Variants in SYN3 observed in about 807,000 individuals in gnomAD.
The protein encoded by SYN3 is synapsin III.
A neutral mutation model predicts 65.8 loss-of-function variants in SYN3; 35 were observed. The ratio of observed to expected loss-of-function variants is 0.53; its 90% CI spans 0.41 to 0.70. SYN3 has a LOEUF of 0.70. Among genes scored for constraint, SYN3 ranks in the 30% least tolerant of loss-of-function variants. The pLI, the probability that SYN3 is intolerant of heterozygous loss-of-function variation, is 0.00. For synonymous variants in SYN3, 270 were observed against 292.9 expected (o/e 0.92, Z 0.80); for missense variants, 680 against 749.0 (o/e 0.91, Z 1.08).
chr22:32,579,650 CCCT>C (rs566555312), intron 7 of SYN3, among the ~76,000 whole-genome samples: 3 of 152,254 alleles, frequency 2.0e-5, no homozygotes, highest in Admixed American at 2.0e-4. Flanking sequence ...AAGCCTTTGC[CCCT>C]CCTCCAACCC....
intron 7 of SYN3, among the ~76,000 whole-genome samples, chr22:32,554,745 G>A (rs143780571): frequency 0.019 from 2,934 of 152,200 alleles, 92 homozygotes; most frequent in African/African-American, 0.066. Context: ...TCCCTTGTCC[G>A]GTGTGCTCTC....
At chr22:32,590,118 C>T (rs899629807) in intron 7 of SYN3, among the ~76,000 whole-genome samples, 1 of 152,158 alleles carries the variant, frequency 6.6e-6, no homozygotes, top group Non-Finnish European at 1.5e-5. Context: ...AGAACTTTGC[C>T]CACTTCTGCC....
At chr22:32,558,207 A>G (rs1211465102) in intron 7 of SYN3, among the ~76,000 whole-genome samples, 1 of 152,358 alleles carries the variant, frequency 6.6e-6, no homozygotes, top group African/African-American at 2.4e-5. Context: ...ATGAGGAGTT[A>G]GGAGGAAAAT....
At chr22:32,593,856 A>T (rs1197259293) in intron 7 of SYN3, among the ~76,000 whole-genome samples, 1 of 152,082 alleles carries the variant, frequency 6.6e-6, no homozygotes, top group Non-Finnish European at 1.5e-5. Flanking sequence ...ACGGTTAGGG[A>T]TGATGCAGGA....
rs1337960230 is a variant in SYN3 at position 32,869,276 on chromosome 22, G to A, written c.462-151C>T. On this transcript the variant is annotated intron_variant, in intron 4 of 13. Coordinates refer to ENST00000358763, the MANE Select transcript of SYN3 (RefSeq NM_003490.4). ...AGGTGGGGGATGAGGGCAGTTAAAT[G>A]CAAAGGCACAGCTACTCCACTATAA... is the stretch of plus-strand genomic sequence containing the variant. 8.4e-6 allele frequency: 5 copies of A among 593,312 alleles called. 1 individual carries two copies. Among genetic ancestry groups the A allele is most frequent in the South Asian group, 4.0e-5 (2 of 50,226 alleles). The allele number at this position is 593,312 out of a possible 1,614,324, so 36.8% of individuals were successfully genotyped here.
chr22:32,810,100 T>TCTAG (rs2046876503), intron 6 of SYN3, among the ~76,000 whole-genome samples: 2 of 152,358 alleles, frequency 1.3e-5, no homozygotes, highest in South Asian at 4.1e-4. Context: ...AAGTATTGAT[T>TCTAG]CTAGCTAAAG....
chr22:32,572,256 TTC>T (rs2058770526), intron 7 of SYN3, among the ~76,000 whole-genome samples: 1 of 50,196 alleles, frequency 2.0e-5, no homozygotes, highest in African/African-American at 1.2e-4. Context: ...CTTCCTTCCT[TTC>T]CTTCCTTCCT....
chr22:33,056,243 AG>A, intron 1 of SYN3, among the ~76,000 whole-genome samples: 1 of 152,350 alleles, frequency 6.6e-6, no homozygotes, highest in Non-Finnish European at 1.5e-5. Flanking sequence ...ACTCATTTTC[AG>A]GTGCAGTCAT....
At chr22:32,816,343 T>G (rs536605752) in intron 6 of SYN3, among the ~76,000 whole-genome samples, 2 of 152,212 alleles carry the variant, frequency 1.3e-5, no homozygotes, top group South Asian at 4.1e-4. Flanking sequence ...TCGATAAACA[T>G]GGGTGAAATA....
At chr22:32,688,787 C>T (rs2060625957) in intron 6 of SYN3, among the ~76,000 whole-genome samples, 1 of 152,120 alleles carries the variant, frequency 6.6e-6, no homozygotes, top group Non-Finnish European at 1.5e-5. Flanking sequence ...CTTTTGCCTC[C>T]CATGCTGGGC....
chr22:32,858,064 G>C (rs1017335148), intron 6 of SYN3: 2 of 1,614,094 alleles, frequency 1.2e-6, no homozygotes, highest in African/African-American at 2.7e-5. Context: ...CAACTTCGTG[G>C]AGAGGTGGGA....
chr22:32,845,384 G>A (rs975011510), intron 6 of SYN3, among the ~76,000 whole-genome samples: 2 of 151,932 alleles, frequency 1.3e-5, no homozygotes, highest in African/African-American at 4.8e-5. Flanking sequence ...TAGAGATGGG[G>A]TTTCACCATG....
At chr22:32,807,978 T>C (rs1284169033) in intron 6 of SYN3, among the ~76,000 whole-genome samples, 2 of 152,134 alleles carry the variant, frequency 1.3e-5, no homozygotes, top group East Asian at 3.8e-4. Flanking sequence ...TGAGTGTTTT[T>C]TTTCCTTCTT....
chr22:32,648,646 C>T (rs1436173137), intron 6 of SYN3, among the ~76,000 whole-genome samples: 1 of 152,188 alleles, frequency 6.6e-6, no homozygotes, highest in Admixed American at 6.5e-5. Flanking sequence ...AGCTACATGA[C>T]CATGGGCAGG....
intron 4 of SYN3, among the ~76,000 whole-genome samples, chr22:32,903,891 C>T (rs62234177): frequency 0.055 from 8,425 of 152,316 alleles, 260 homozygotes; most frequent in Middle Eastern, 0.099. Flanking sequence ...CCATCAACTG[C>T]ACAATGGTTT....
intron 6 of SYN3, among the ~76,000 whole-genome samples, chr22:32,783,435 T>C (rs768240793): frequency 6.6e-6 from 1 of 152,202 alleles, no homozygotes; most frequent in Non-Finnish European, 1.5e-5. Flanking sequence ...TTACTGAAAA[T>C]CTGAATTTTT....
At chr22:32,677,594 C>T (rs567792499) in intron 6 of SYN3, among the ~76,000 whole-genome samples, 2 of 152,052 alleles carry the variant, frequency 1.3e-5, no homozygotes, top group African/African-American at 4.8e-5. Context: ...GTCAGGAGAT[C>T]GAGATCATTC....
At chr22:32,954,660 A>G (rs1358308340) in intron 3 of SYN3, among the ~76,000 whole-genome samples, 2 of 152,138 alleles carry the variant, frequency 1.3e-5, no homozygotes, top group African/African-American at 2.4e-5. Flanking sequence ...GGGGGCTAAC[A>G]CTCAGTAGTA....
chr22:32,692,162 A>G (rs1247715981), intron 6 of SYN3, among the ~76,000 whole-genome samples: 2 of 135,616 alleles, frequency 1.5e-5, no homozygotes, highest in African/African-American at 2.9e-5. Flanking sequence ...AGACAAAAAA[A>G]AAAAAAAAAA....
Sources: gnomAD v4.1 joint callset for allele counts (sites outside exome capture counted in the v4.1 genomes callset) on GRCh38, gnomAD v4.1.1 for gene constraint, MANE v1.5 for transcripts, NCBI Gene and HGNC (gene_info 2026-07-23, HGNC 2026-07-21) for gene names.